Variants in DHX29 observed in about 807,000 individuals in gnomAD.
DHX29 encodes the protein ATP-dependent RNA helicase DHX29.
A neutral mutation model predicts 167.9 loss-of-function variants in DHX29; 79 were observed. That is an observed-to-expected ratio of 0.47 (90% CI 0.39 to 0.57). The LOEUF (loss-of-function observed/expected upper bound fraction) is 0.57, where lower values mean the gene tolerates loss of function less well. DHX29 is among the 20% of genes least tolerant of loss of function. The probability of loss-of-function intolerance (pLI) is 0.00; values close to 1 mark genes in which losing one functional copy is unlikely to be tolerated. For missense variants in DHX29, 1,347 were observed against 1,593.4 expected (o/e 0.85, Z 2.63); for synonymous variants, 530 against 546.0 (o/e 0.97, Z 0.41).
chr5:55,271,810 A>G (rs973323301), intron 18 of DHX29, among the ~76,000 whole-genome samples: 1 of 152,212 alleles, frequency 6.6e-6, no homozygotes, highest in Non-Finnish European at 1.5e-5. Flanking sequence ...TACAAATAAA[A>G]TATCTATAAA....
Position 55,295,429 on chromosome 5 carries a change from G to A in DHX29, c.601C>T (p.Pro201Ser), listed in dbSNP as rs1478543812. ...GTTTTTGTTTTAGGTTGCAATGGAG[G>A]TGAAATAGTGGCTTGTATTTGAGGA... ...QSPQIQATIS[P>S]PLQPKTKTYE... The change falls in exon 5 of 27, where the codon CCT becomes TCT. Residue 201 changes from proline (P) to serine (S), a missense_variant. Physicochemically the swap from Pro to Ser is moderately conservative, Grantham distance 74. This residue lies in a region of DHX29 where 405 missense variants were observed against 416.8 expected (regional missense o/e 0.97). Coordinates refer to ENST00000251636, the MANE Select transcript of DHX29 (RefSeq NM_019030.4). 1 of 1,613,402 alleles carries A rather than the reference G, an allele frequency of 6.2e-7. No individual in the cohort carries two copies.
chr5:55,279,752 G>A, intron 12 of DHX29: 1 of 148,904 alleles, frequency 6.7e-6, no homozygotes, highest in Non-Finnish European at 1.4e-5. Flanking sequence ...TTTTTTTTTG[G>A]AGAGAGGGGG....
In DHX29 at chr5:55,263,881, GT is replaced by G. The variant is rs549407616; in HGVS notation, c.3526-950del. Among the ~76,000 whole-genome samples the G allele has an allele frequency of 1.1e-4, 16 of 150,442 alleles. No homozygotes were observed. The East Asian group carries it at 1.6e-3, about 15-fold the overall frequency. The stretch of plus-strand genomic sequence containing the variant: ...AGAAGTCTCTGCTGTCATCCTAGCA[GT>G]TTTTTTTAATCACAAAAAAGCAGTG... On this transcript the variant is annotated intron_variant, in intron 23 of 26. Coordinates refer to ENST00000251636, the MANE Select transcript of DHX29 (RefSeq NM_019030.4).
chr5:55,299,026 G>A, intron 1 of DHX29, among the ~76,000 whole-genome samples: 1 of 110,186 alleles, frequency 9.1e-6, no homozygotes, highest in Non-Finnish European at 1.7e-5. Context: ...GACAGAGCGA[G>A]ACTCCGTCTC....
chr5:55,260,200 C>T (rs1176179259), intron 25 of DHX29, among the ~76,000 whole-genome samples: 1 of 152,156 alleles, frequency 6.6e-6, no homozygotes, highest in African/African-American at 2.4e-5. Context: ...TTTATATCAA[C>T]TCTGTGGAAG....
Position 55,272,034 on chromosome 5 carries a change from C to T in DHX29, c.2864+53G>A, listed in dbSNP as rs111384516. On this transcript the variant is annotated intron_variant, in intron 18 of 26. Transcript: ENST00000251636. ...AGGATTTCTCCCAAGAATTCAAGAG[C>T]CCCAACCTCTTTCCAGGTTAAAAAT... 2.0e-4 allele frequency: 207 copies of T among 1,047,836 alleles called. No homozygotes were observed. In the African/African-American group the frequency reaches 2.7e-3, roughly 14 times the overall value. The allele number at this position is 1,047,836 out of a possible 1,614,324, so 64.9% of individuals were successfully genotyped here.
At chr5:55,288,956 C>G (rs1455906559) in intron 8 of DHX29, among the ~76,000 whole-genome samples, 2 of 152,128 alleles carry the variant, frequency 1.3e-5, no homozygotes, top group African/African-American at 2.4e-5. Context: ...TTACTGATGT[C>G]AGTAGGCTCA....
chr5:55,292,525 G>A (rs962098409), intron 6 of DHX29, among the ~76,000 whole-genome samples: 2 of 152,024 alleles, frequency 1.3e-5, no homozygotes, highest in African/African-American at 4.8e-5. Context: ...AAACCACCTC[G>A]AATGCTACTA....
chr5:55,266,111 G>A (rs1384474651), intron 23 of DHX29, among the ~76,000 whole-genome samples: 2 of 151,624 alleles, frequency 1.3e-5, no homozygotes, highest in East Asian at 1.9e-4. Flanking sequence ...GCAATTCTCT[G>A]CCTCAGCCTC....
intron 11 of DHX29, among the ~76,000 whole-genome samples, chr5:55,282,232 T>G (rs2111887786): frequency 6.6e-6 from 1 of 152,326 alleles, no homozygotes; most frequent in East Asian, 1.9e-4. Flanking sequence ...TACTCAGGAA[T>G]GGAATTTTAA....
rs200393957 is a variant in DHX29 at position 55,296,196 on chromosome 5, A to C, written c.505+24T>G. The C allele has an allele frequency of 6.0e-5, 95 of 1,586,834 alleles. 1 individual carries two copies. In the African/African-American group the frequency reaches 1.1e-3, roughly 19 times the overall value. On this transcript the variant is annotated intron_variant, in intron 4 of 26. Coordinates refer to ENST00000251636, the MANE Select transcript of DHX29 (RefSeq NM_019030.4). ...ACTACTTCAAAAGGTTTAGAAACTG[A>C]AAGAATTTAATGATATTGTTTACCA...
chr5:55,285,097 G>C (rs979742974), intron 10 of DHX29, among the ~76,000 whole-genome samples, 196 bp downstream of exon 10: 1 of 152,110 alleles, frequency 6.6e-6, no homozygotes, highest in Non-Finnish European at 1.5e-5. Context: ...TCCAAAAGTC[G>C]GATCATCATA....
intron 11 of DHX29, 74 bp from the exon 12 acceptor site, chr5:55,281,589 G>A (rs1423322967): frequency 1.0e-5 from 12 of 1,172,662 alleles, no homozygotes; most frequent in Admixed American, 2.7e-5. Context: ...AAGTGAAGCA[G>A]AGGTGCTGAT....
chr5:55,266,761 G>A (rs1212246212), intron 23 of DHX29, among the ~76,000 whole-genome samples: 3 of 151,788 alleles, frequency 2.0e-5, no homozygotes, highest in African/African-American at 4.8e-5. Context: ...GACTACAGGC[G>A]TGTGCTACCA....
intron 1 of DHX29, among the ~76,000 whole-genome samples, chr5:55,301,236 T>A (rs1425476381): frequency 6.6e-6 from 1 of 152,180 alleles, no homozygotes; most frequent in Non-Finnish European, 1.5e-5. Flanking sequence ...CAATCTGCCG[T>A]AACATTACAC....
At chr5:55,306,898 A>C (rs1228441506) in intron 1 of DHX29, among the ~76,000 whole-genome samples, 1 of 152,214 alleles carries the variant, frequency 6.6e-6, no homozygotes. Context: ...ACACGTAACC[A>C]GTGTGTAACC....
At chr5:55,307,187 C>A (rs966441445) in intron 1 of DHX29, among the ~76,000 whole-genome samples, 200 bp downstream of exon 1, 1 of 152,200 alleles carries the variant, frequency 6.6e-6, no homozygotes, top group African/African-American at 2.4e-5. Context: ...TGCAACAGGG[C>A]TACTGTCAGA....
intron 14 of DHX29, among the ~76,000 whole-genome samples, chr5:55,275,771 A>ATGTATG (rs1554023573): frequency 2.0e-5 from 3 of 146,908 alleles, no homozygotes; most frequent in Admixed American, 1.3e-4. Flanking sequence ...GTATGTATGT[A>ATGTATG]TGTGTGTGTG....
intron 26 of DHX29, 87 bp from the exon 27 acceptor site, chr5:55,256,627 T>C (rs1000026456): frequency 8.1e-7 from 1 of 1,235,790 alleles, no homozygotes; most frequent in Non-Finnish European, 1.1e-6. Flanking sequence ...GAGGTATATG[T>C]CACTAAAAAT....
Sources: gnomAD v4.1 joint callset for allele counts (sites outside exome capture counted in the v4.1 genomes callset) on GRCh38, gnomAD v4.1.1 for gene constraint, gnomAD v4.1.1 regional missense constraint, MANE v1.5 for transcripts, NCBI Gene and HGNC (gene_info 2026-07-23, HGNC 2026-07-21) for gene names.